Variants in LRMDA observed in about 807,000 individuals in gnomAD.
LRMDA encodes leucine rich melanocyte differentiation associated.
A neutral mutation model predicts 29.8 loss-of-function variants in LRMDA; 18 were observed. The observed-to-expected ratio is 0.60, with a 90% CI of 0.42 to 0.90. The LOEUF (loss-of-function observed/expected upper bound fraction) is 0.90, where lower values mean the gene tolerates loss of function less well. Among genes scored for constraint, LRMDA ranks in the 40% least tolerant of loss-of-function variants. The pLI is 0.00. For missense variants in LRMDA, 273 were observed against 273.9 expected, an observed-to-expected ratio of 1.00 and a Z score of 0.02; for synonymous variants, 125 against 109.4, an observed-to-expected ratio of 1.14 and a Z score of -0.89.
chr10:76,475,189 G>C (rs576615082), intron 6 of LRMDA, among the ~76,000 whole-genome samples: 2 of 151,886 alleles, frequency 1.3e-5, no homozygotes, highest in South Asian at 4.1e-4. Context: ...CTAGGGAAAA[G>C]AGTCAGACAT....
At chr10:75,670,325 A>G (rs1841875701) in intron 2 of LRMDA, among the ~76,000 whole-genome samples, 1 of 152,270 alleles carries the variant, frequency 6.6e-6, no homozygotes, top group Admixed American at 6.5e-5. Context: ...GAGGATGCAG[A>G]ACGGCACAAA....
chr10:75,712,675 T>G (rs1842450826), intron 2 of LRMDA, among the ~76,000 whole-genome samples: 1 of 152,108 alleles, frequency 6.6e-6, no homozygotes, highest in African/African-American at 2.4e-5. Flanking sequence ...CCACAGCAAT[T>G]TACTTACTGC....
chr10:75,770,258 T>C (rs1267278570), intron 2 of LRMDA, among the ~76,000 whole-genome samples: 1 of 152,156 alleles, frequency 6.6e-6, no homozygotes, highest in African/African-American at 2.4e-5. Flanking sequence ...ACCACTGCAC[T>C]CCAGCCTGGG....
intron 6 of LRMDA, among the ~76,000 whole-genome samples, chr10:76,404,550 G>C (rs1841882808): frequency 6.6e-6 from 1 of 152,050 alleles, no homozygotes; most frequent in African/African-American, 2.4e-5. Context: ...AGCCACACTG[G>C]CTCGCTAGCT....
chr10:76,392,124 G>T lies in LRMDA; in HGVS notation c.601+67639G>T, dbSNP rs553797232. 3.3e-5 allele frequency among the ~76,000 whole-genome samples: 5 copies of T among 152,148 alleles called. No homozygotes were observed. In the South Asian group the frequency reaches 1.0e-3, roughly 32 times the overall value. On this transcript the variant is annotated intron_variant, in intron 6 of 6. Coordinates refer to ENST00000611255, the MANE Select transcript of LRMDA (RefSeq NM_001305581.2). ...TAAGTTAGGAATAATCTCATTGATT[G>T]CTTAGTACAGCTAATTCTATTTTCT... is the stretch of plus-strand genomic sequence containing the variant.
chr10:75,666,395 A>G (rs1448525593), intron 2 of LRMDA, among the ~76,000 whole-genome samples: 2 of 151,876 alleles, frequency 1.3e-5, no homozygotes, highest in Non-Finnish European at 2.9e-5. Flanking sequence ...TTAATTTTGA[A>G]TTTTGTATAT....
chr10:75,946,649 A>G (rs17363658), intron 2 of LRMDA, among the ~76,000 whole-genome samples: 12,449 of 152,256 alleles, frequency 0.082, 666 homozygotes, highest in East Asian at 0.12. Flanking sequence ...ACAAGTAGGC[A>G]AATGGAAACA....
At chr10:76,394,704 T>G (rs1841762668) in intron 6 of LRMDA, among the ~76,000 whole-genome samples, 1 of 152,332 alleles carries the variant, frequency 6.6e-6, no homozygotes, top group Admixed American at 6.5e-5. Context: ...GGCGGATTAC[T>G]ACTATTCCTA....
At chr10:75,783,201 A>G (rs962056535) in intron 2 of LRMDA, among the ~76,000 whole-genome samples, 3 of 152,128 alleles carry the variant, frequency 2.0e-5, no homozygotes, top group African/African-American at 7.2e-5. Flanking sequence ...CATTTTGGGT[A>G]TTAGCTGTGT....
intron 5 of LRMDA, among the ~76,000 whole-genome samples, chr10:76,142,068 T>C (rs1303263676): frequency 6.6e-6 from 1 of 152,050 alleles, no homozygotes; most frequent in Non-Finnish European, 1.5e-5. Flanking sequence ...TCTCTATCCA[T>C]AGCTTCTCTG....
intron 6 of LRMDA, among the ~76,000 whole-genome samples, chr10:76,386,137 A>G (rs1364810664): frequency 6.6e-6 from 1 of 152,212 alleles, no homozygotes; most frequent in East Asian, 1.9e-4. Flanking sequence ...GGCTATTATT[A>G]CAAGTGTTTG....
intron 6 of LRMDA, among the ~76,000 whole-genome samples, chr10:76,512,315 C>T (rs530174528): frequency 6.5e-4 from 99 of 152,264 alleles, no homozygotes; most frequent in African/African-American, 2.3e-3. Context: ...TACACTCACA[C>T]TTCCCAATTT....
rs183461222 is a variant in LRMDA, at chr10:75,540,978, T to G, written c.131+102484T>G. Among the ~76,000 whole-genome samples, 303 of 152,286 alleles carry G rather than the reference T, an allele frequency of 2.0e-3. 4 individuals are homozygous for G. The highest frequency in any genetic ancestry group is 0.019 in the South Asian group (92 of 4,824). ...ACTTAGGGAAACAAGTTTTGTTGTT[T>G]TTTTTTTAAAAAGGAAAAAAACAGT... On this transcript the variant is annotated intron_variant, in intron 2 of 6. Coordinates refer to ENST00000611255, the MANE Select transcript of LRMDA (RefSeq NM_001305581.2).
chr10:75,633,270 C>T (rs998021269), intron 2 of LRMDA, among the ~76,000 whole-genome samples: 1 of 152,132 alleles, frequency 6.6e-6, no homozygotes, highest in South Asian at 2.1e-4. Flanking sequence ...TTAGAGCCTG[C>T]ACTTAGAAAC....
At chr10:75,602,420 G>C (rs1290290288) in intron 2 of LRMDA, among the ~76,000 whole-genome samples, 1 of 152,054 alleles carries the variant, frequency 6.6e-6, no homozygotes, top group African/African-American at 2.4e-5. Flanking sequence ...GTTTTATTTT[G>C]GTTCCTCTCC....
intron 2 of LRMDA, among the ~76,000 whole-genome samples, chr10:75,452,262 CATTT>C (rs1460056155): frequency 6.6e-6 from 1 of 152,082 alleles, no homozygotes; most frequent in East Asian, 1.9e-4. Context: ...TCTCGATGCC[CATTT>C]ATTTTGAGCT....
intron 6 of LRMDA, among the ~76,000 whole-genome samples, chr10:76,374,512 T>G (rs989489482): frequency 6.6e-6 from 1 of 152,192 alleles, no homozygotes; most frequent in African/African-American, 2.4e-5. Context: ...CCCACAATTT[T>G]GGCATGAGGT....
At chr10:75,837,383 A>G (rs1320325280) in intron 2 of LRMDA, among the ~76,000 whole-genome samples, 1 of 152,144 alleles carries the variant, frequency 6.6e-6, no homozygotes, top group Non-Finnish European at 1.5e-5. Flanking sequence ...ACACTTTTTC[A>G]GGTTTTAAGG....
chr10:76,448,444 A>G lies in LRMDA; in HGVS notation c.602-108765A>G, dbSNP rs368485397. Reference sequence around the variant, plus strand: ...TTGTAAGGCACTTGATACATAATGAAACATTTTGATCCAAATACGCTATTT... The same window carrying G: ...TTGTAAGGCACTTGATACATAATGAGACATTTTGATCCAAATACGCTATTT... On this transcript the variant is annotated intron_variant, in intron 6 of 6. Coordinates refer to ENST00000611255, the MANE Select transcript of LRMDA (RefSeq NM_001305581.2). Among the ~76,000 whole-genome samples the G allele has an allele frequency of 3.3e-5, 5 of 152,128 alleles. No individual in the cohort carries two copies. In the East Asian group the frequency reaches 5.8e-4, roughly 18 times the overall value.
Sources: allele counts gnomAD v4.1 joint callset (sites outside exome capture counted in the v4.1 genomes callset), GRCh38; gene constraint gnomAD v4.1.1; transcripts MANE v1.5; gene names NCBI Gene and HGNC (gene_info 2026-07-23, HGNC 2026-07-21).